TRIM29: variants seen among roughly 807,000 people sequenced by gnomAD.
TRIM29 encodes the protein tripartite motif-containing protein 29.
In TRIM29, 52 loss-of-function variants were observed where a neutral mutation model predicts 57.3. That is an observed-to-expected ratio of 0.91 (90% CI 0.73 to 1.14). TRIM29 has a LOEUF of 1.14. Ranked by LOEUF, TRIM29 falls within the 50% of genes most tolerant of loss-of-function variation. TRIM29 has a pLI of 0.00. For synonymous variants in TRIM29, 319 were observed against 316.9 expected, an observed-to-expected ratio of 1.01 and a Z score of -0.07; for missense variants, 753 against 774.6, an observed-to-expected ratio of 0.97 and a Z score of 0.33.
At chr11:120,120,018 C>T (rs565537957) in intron 6 of TRIM29, among the ~76,000 whole-genome samples, 25 of 152,280 alleles carry the variant, frequency 1.6e-4, no homozygotes, top group African/African-American at 5.3e-4. Context: ...GCTCGCTTGC[C>T]TCACCACCTG....
intron 1 of TRIM29, among the ~76,000 whole-genome samples, chr11:120,136,266 A>G (rs1247461708): frequency 6.6e-6 from 1 of 152,236 alleles, no homozygotes. Flanking sequence ...TAATACACCT[A>G]GCCTACCAAG....
At chr11:120,135,107 G>A (rs1863792808) in intron 1 of TRIM29, among the ~76,000 whole-genome samples, 1 of 152,130 alleles carries the variant, frequency 6.6e-6, no homozygotes, top group Non-Finnish European at 1.5e-5. Flanking sequence ...CATCCACATA[G>A]GGCTGCCCAA....
chr11:120,120,661 C>A lies in TRIM29; in HGVS notation c.1440G>T (p.Gly480=), dbSNP rs766946137. 6.2e-6 allele frequency: 10 copies of A among 1,613,630 alleles called. No homozygotes were observed. The highest frequency in any genetic ancestry group is 7.6e-6 in the Non-Finnish European group (9 of 1,179,966). ...ACGAGGGCTGGTATGATGTCCGGAC[C>A]CCACCTGTGAAGCAGATGAAGGGGG... The part of the protein sequence containing the change: ...RYSMYLTPKG[G]VRTSYQPSSP... Residue 480 remains glycine (G), a synonymous_variant, in exon 6 of 9, where the codon GGG becomes GGT. Transcript: ENST00000341846.
chr11:120,130,270 G>A (rs991189199), intron 1 of TRIM29, among the ~76,000 whole-genome samples: 3 of 152,174 alleles, frequency 2.0e-5, no homozygotes, highest in Non-Finnish European at 2.9e-5. Flanking sequence ...GAACTCCTGA[G>A]TGAAGTCCAA....
At chr11:120,136,801 A>T (rs957367460) in intron 1 of TRIM29, among the ~76,000 whole-genome samples, 22 of 152,222 alleles carry the variant, frequency 1.4e-4, no homozygotes, top group East Asian at 3.9e-4. Flanking sequence ...AAAAAAAAAA[A>T]AAATAAAAGA....
chr11:120,125,516 G>A (rs1591325605), intron 4 of TRIM29, 175 bp downstream of exon 4: 6 of 653,042 alleles, frequency 9.2e-6, no homozygotes, highest in Non-Finnish European at 1.6e-5. Flanking sequence ...AAGTTCAAAG[G>A]AGGAGGAGGG....
At chr11:120,122,312 C>A (rs960496085) in intron 5 of TRIM29, among the ~76,000 whole-genome samples, 1 of 152,152 alleles carries the variant, frequency 6.6e-6, no homozygotes, top group Non-Finnish European at 1.5e-5. Flanking sequence ...CACACCCACC[C>A]TTATGTAACG....
intron 7 of TRIM29, 110 bp downstream of exon 7, chr11:120,118,113 C>T: frequency 9.7e-7 from 1 of 1,032,300 alleles, no homozygotes; most frequent in South Asian, 1.4e-5. Flanking sequence ...AGGCCTCTCT[C>T]CTCCACGAGG....
At chr11:120,113,134 A>G (rs1290182449) in intron 8 of TRIM29, among the ~76,000 whole-genome samples, 2 of 152,024 alleles carry the variant, frequency 1.3e-5, no homozygotes, top group African/African-American at 2.4e-5. Flanking sequence ...GGGTGCAGAG[A>G]GGGTAAAGAA....
chr11:120,112,566 A>T, intron 8 of TRIM29, 90 bp from the exon 9 acceptor site: 1 of 1,414,958 alleles, frequency 7.1e-7, no homozygotes, highest in South Asian at 1.2e-5. Context: ...CTCAGGAGGC[A>T]GCAGTGATCC....
intron 2 of TRIM29, among the ~76,000 whole-genome samples, chr11:120,128,138 C>T (rs1219647000): frequency 6.6e-6 from 1 of 152,106 alleles, no homozygotes; most frequent in Non-Finnish European, 1.5e-5. Context: ...CATTGGAAGA[C>T]ACACTGGAGG....
At chr11:120,115,312 G>A (rs1273585686) in intron 8 of TRIM29, 26 bp downstream of exon 8, 2 of 1,608,256 alleles carry the variant, frequency 1.2e-6, no homozygotes, top group African/African-American at 2.7e-5. Flanking sequence ...GATGTGCCCA[G>A]GCCCTCCCGG....
chr11:120,133,905 G>A (rs541336308), intron 1 of TRIM29, among the ~76,000 whole-genome samples: 11 of 152,122 alleles, frequency 7.2e-5, no homozygotes, highest in East Asian at 5.8e-4. Context: ...CACACGCCTC[G>A]TCATGCTGCC....
chr11:120,112,943 G>A (rs1195453927), intron 8 of TRIM29, among the ~76,000 whole-genome samples: 1 of 152,178 alleles, frequency 6.6e-6, no homozygotes, highest in Non-Finnish European at 1.5e-5. Flanking sequence ...CCAAGGCACA[G>A]AGAGGCTAGG....
chr11:120,131,330 A>T (rs916707495), intron 1 of TRIM29, among the ~76,000 whole-genome samples: 3 of 152,078 alleles, frequency 2.0e-5, no homozygotes, highest in Non-Finnish European at 2.9e-5. Context: ...AAGGGCAGGG[A>T]GAGGCCAGTC....
chr11:120,115,543 C>T (rs927619986), intron 7 of TRIM29, 129 bp from the exon 8 acceptor site: 22 of 776,752 alleles, frequency 2.8e-5, no homozygotes, highest in Admixed American at 1.7e-4. Flanking sequence ...CAAATGCAGC[C>T]GTCTGAACAC....
At chr11:120,119,665 G>A (rs1863385111) in intron 6 of TRIM29, among the ~76,000 whole-genome samples, 1 of 152,154 alleles carries the variant, frequency 6.6e-6, no homozygotes, top group South Asian at 2.1e-4. Context: ...GCTGATCACG[G>A]CTGTGAATCC....
chr11:120,118,169 G>A, intron 7 of TRIM29, 54 bp downstream of exon 7: 1 of 1,506,688 alleles, frequency 6.6e-7, no homozygotes, highest in Non-Finnish European at 9.2e-7. Context: ...AGCAGGGCTT[G>A]GGAGGTGTGA....
chr11:120,116,678 G>A (rs1360616849), intron 7 of TRIM29: 1 of 161,686 alleles, frequency 6.2e-6, no homozygotes, highest in Non-Finnish European at 1.3e-5. Context: ...GGTAATTCAG[G>A]CCTCATCTCT....
Sources: gnomAD v4.1 joint callset for allele counts (sites outside exome capture counted in the v4.1 genomes callset) on GRCh38, gnomAD v4.1.1 for gene constraint, MANE v1.5 for transcripts, NCBI Gene and HGNC (gene_info 2026-07-23, HGNC 2026-07-21) for gene names.